The following AGBL4 variants were observed in gnomAD, a reference collection of about 807,000 sequenced individuals.
AGBL4 encodes AGBL carboxypeptidase 4, also known as cytosolic carboxypeptidase 6.
AGBL4 carries 58 observed loss-of-function variants against 66.4 expected under a neutral mutation model. The ratio of observed to expected loss-of-function variants is 0.87; its 90% CI spans 0.71 to 1.09. The LOEUF (loss-of-function observed/expected upper bound fraction) is 1.09. AGBL4 is among the 50% of genes least tolerant of loss of function. The pLI is 0.00. For missense variants in AGBL4, 579 were observed against 631.0 expected (o/e 0.92, Z 0.88); for synonymous variants, 234 against 222.9 (o/e 1.05, Z -0.44).
At chr1:48,935,787 A>C (rs980995069) in intron 5 of AGBL4, among the ~76,000 whole-genome samples, 6 of 149,334 alleles carry the variant, frequency 4.0e-5, no homozygotes, top group African/African-American at 1.2e-4. Context: ...GTGAAACGCC[A>C]TCTCTACTAA....
At chr1:48,914,342 C>T (rs1303731190) in intron 5 of AGBL4, among the ~76,000 whole-genome samples, 1 of 152,052 alleles carries the variant, frequency 6.6e-6, no homozygotes, top group Non-Finnish European at 1.5e-5. Context: ...AACAGAACAG[C>T]ATTTGCTGAC....
chr1:48,665,214 C>T (rs1646167074), intron 6 of AGBL4, among the ~76,000 whole-genome samples: 1 of 152,134 alleles, frequency 6.6e-6, no homozygotes, highest in Non-Finnish European at 1.5e-5. Context: ...TGCTAGGCAC[C>T]TTTAGGAACA....
At chr1:49,287,540 A>C (rs1465202798) in intron 3 of AGBL4, among the ~76,000 whole-genome samples, 1 of 151,978 alleles carries the variant, frequency 6.6e-6, no homozygotes, top group Non-Finnish European at 1.5e-5. Context: ...AACCCCATCA[A>C]AAAGTGGGCA....
At chr1:49,188,346 C>T (rs573745368) in intron 4 of AGBL4, among the ~76,000 whole-genome samples, 2 of 152,150 alleles carry the variant, frequency 1.3e-5, no homozygotes, top group Admixed American at 1.3e-4. Context: ...GGAGATTATG[C>T]CAGGCAATTG....
intron 9 of AGBL4, among the ~76,000 whole-genome samples, chr1:48,615,736 A>T (rs1461326598): frequency 6.6e-6 from 1 of 152,186 alleles, no homozygotes; most frequent in East Asian, 1.9e-4. Flanking sequence ...CATCGGTTAC[A>T]CCGTTGCTAC....
In AGBL4 at chr1:49,236,092, C is replaced by T. The variant is rs180816697; in HGVS notation, c.377+9678G>A. On this transcript the variant is annotated intron_variant, in intron 4 of 13. Transcript: ENST00000371839. ...TCACCCAGGCTGGAGTGCAGTGGCA[C>T]GATCTTGGCTTACTGCAACCTCCTC... Among the ~76,000 whole-genome samples the T allele has an allele frequency of 7.0e-3, 1,064 of 151,984 alleles. 7 individuals carry two copies. The highest frequency in any genetic ancestry group is 9.1e-3 in the Admixed American group (139 of 15,258).
At chr1:49,190,629 C>T (rs1647099705) in intron 4 of AGBL4, among the ~76,000 whole-genome samples, 1 of 152,110 alleles carries the variant, frequency 6.6e-6, no homozygotes, top group Admixed American at 6.6e-5. Context: ...AAAATAGTTG[C>T]ACTCTTAATT....
chr1:49,093,167 A>C (rs1328713460), intron 4 of AGBL4, among the ~76,000 whole-genome samples: 1 of 152,136 alleles, frequency 6.6e-6, no homozygotes, highest in Admixed American at 6.6e-5. Flanking sequence ...ATGTTCCTCA[A>C]AGAGAAATTC....
intron 3 of AGBL4, among the ~76,000 whole-genome samples, chr1:49,563,832 T>A (rs1258474173): frequency 6.6e-6 from 1 of 152,140 alleles, no homozygotes; most frequent in Non-Finnish European, 1.5e-5. Flanking sequence ...ATAAAATGAG[T>A]TAGGGAGGAT....
chr1:48,933,677 T>C (rs1571035230), intron 5 of AGBL4, among the ~76,000 whole-genome samples: 4 of 152,170 alleles, frequency 2.6e-5, no homozygotes, highest in South Asian at 2.1e-4. Flanking sequence ...TAAATGGAGA[T>C]AGTAATTTTT....
intron 11 of AGBL4, among the ~76,000 whole-genome samples, chr1:48,544,282 A>G (rs1644123937): frequency 1.3e-5 from 2 of 151,086 alleles, no homozygotes; most frequent in Admixed American, 1.3e-4. Context: ...ATTTGGCTGG[A>G]GGAAACCAAA....
At chr1:48,819,198 A>T (rs1350388342) in intron 6 of AGBL4, among the ~76,000 whole-genome samples, 5 of 152,226 alleles carry the variant, frequency 3.3e-5, no homozygotes, top group Admixed American at 6.5e-5. Context: ...AGATAAGGAG[A>T]TAAAGCATTC....
At chr1:49,385,959 A>G (rs1221234537) in intron 3 of AGBL4, among the ~76,000 whole-genome samples, 1 of 152,052 alleles carries the variant, frequency 6.6e-6, no homozygotes, top group Non-Finnish European at 1.5e-5. Flanking sequence ...GTCACTTAGT[A>G]CATTAGTAAA....
At chr1:48,555,654 C>T (rs1222320148) in intron 11 of AGBL4, among the ~76,000 whole-genome samples, 1 of 152,104 alleles carries the variant, frequency 6.6e-6, no homozygotes, top group Non-Finnish European at 1.5e-5. Flanking sequence ...AGGCACAATG[C>T]TCAAATTTGG....
intron 5 of AGBL4, among the ~76,000 whole-genome samples, chr1:48,898,682 T>C (rs1231410481): frequency 2.0e-5 from 3 of 152,044 alleles, no homozygotes; most frequent in African/African-American, 7.2e-5. Context: ...CATGTTGTTT[T>C]AGGTATTAGA....
At position 49,874,079 on chromosome 1, in the gene AGBL4, G is replaced by A. The variant is rs548739405; in HGVS notation, c.35-22561C>T. Among the ~76,000 whole-genome samples the A allele has an allele frequency of 5.3e-5, 8 of 152,074 alleles. No individual in the cohort carries two copies. The South Asian group carries it at 1.7e-3, about 32-fold the overall frequency. On this transcript the variant is annotated intron_variant, in intron 1 of 13. Transcript: ENST00000371839. Reference sequence around the variant, plus strand: ...GAGTCCAGAAATACATCCATATGCAGCTCCAACAAAGCTGCAATGGTAATT... The same window carrying A: ...GAGTCCAGAAATACATCCATATGCAACTCCAACAAAGCTGCAATGGTAATT...
At chr1:49,342,322 A>G (rs917962324) in intron 3 of AGBL4, among the ~76,000 whole-genome samples, 2 of 152,172 alleles carry the variant, frequency 1.3e-5, no homozygotes, top group African/African-American at 4.8e-5. Context: ...CATCTGTCAC[A>G]GAGAGGTGGA....
chr1:49,680,824 T>C (rs967798311), intron 3 of AGBL4, among the ~76,000 whole-genome samples: 1 of 152,126 alleles, frequency 6.6e-6, no homozygotes, highest in Non-Finnish European at 1.5e-5. Context: ...CTCCTTTGCT[T>C]CTGGAACTTC....
chr1:48,724,093 G>C (rs1297191907), intron 6 of AGBL4, among the ~76,000 whole-genome samples: 1 of 152,204 alleles, frequency 6.6e-6, no homozygotes, highest in Non-Finnish European at 1.5e-5. Context: ...AGCAGGTTAG[G>C]AGGAGCACAC....
Sources: allele counts gnomAD v4.1 joint callset (sites outside exome capture counted in the v4.1 genomes callset), GRCh38; gene constraint gnomAD v4.1.1; transcripts MANE v1.5; gene names NCBI Gene and HGNC (gene_info 2026-07-23, HGNC 2026-07-21).